Variants in BPTF observed in about 807,000 individuals in gnomAD.
BPTF encodes nucleosome-remodeling factor subunit BPTF.
A neutral mutation model predicts 292.5 loss-of-function variants in BPTF; 18 were observed. That is an observed-to-expected ratio of 0.06 (90% confidence interval 0.04 to 0.09). BPTF has a LOEUF of 0.09. Among genes scored for constraint, BPTF ranks in the 10% least tolerant of loss-of-function variants. The probability of loss-of-function intolerance (pLI) is 1.00; values close to 1 mark genes in which losing one functional copy is unlikely to be tolerated. For missense variants in BPTF, 2,726 were observed against 3,498.7 expected (o/e 0.78, Z 5.57); for synonymous variants, 1,225 against 1,251.9 (o/e 0.98, Z 0.45).
At chr17:67,910,497 A>G (rs1381621732) in intron 10 of BPTF, among the ~76,000 whole-genome samples, 1 of 152,146 alleles carries the variant, frequency 6.6e-6, no homozygotes, top group Non-Finnish European at 1.5e-5. Flanking sequence ...GTGGCTAGAG[A>G]TACTTTAAAA....
rs184303411 is a variant in BPTF at position 67,978,552 on chromosome 17, C to T, written c.8726+2594C>T. Among the ~76,000 whole-genome samples the T allele has an allele frequency of 7.3e-3, 1,108 of 152,192 alleles. 13 individuals carry two copies. The highest frequency in any genetic ancestry group is 0.028 in the East Asian group (147 of 5,170). On this transcript the variant is annotated intron_variant, in intron 27 of 27. Transcript: ENST00000306378. ...GACCTCGTGATCCGCCTGCCTCAGC[C>T]TCCCAAAGTGCTGGGATTACAGATG...
At position 67,979,230 on chromosome 17, in the gene BPTF, A is replaced by G. The variant is rs145915991; in HGVS notation, c.8727-3022A>G. Among the ~76,000 whole-genome samples, 294 of 148,908 alleles carry G rather than the reference A, an allele frequency of 2.0e-3. 3 individuals carry two copies. The highest frequency in any genetic ancestry group is 7.0e-3 in the African/African-American group (282 of 40,232). ...AGGACTAGGTGCTACAGAGAAAAAT[A>G]TTTACATTTTCGTAGTAACGTAAAT... On this transcript the variant is annotated intron_variant, in intron 27 of 27. Transcript: ENST00000306378.
chr17:67,924,712 A>AT, intron 15 of BPTF, 123 bp downstream of exon 15: 6 of 1,085,024 alleles, frequency 5.5e-6, no homozygotes, highest in Admixed American at 2.3e-5. Flanking sequence ...ACATACATAC[A>AT]TTTTTTAGCC....
chr17:67,924,498 G>C, intron 14 of BPTF, 49 bp from the exon 15 acceptor site: 1 of 1,568,670 alleles, frequency 6.4e-7, no homozygotes, highest in East Asian at 2.2e-5. Context: ...TTAGATGCCA[G>C]ATGCCTAACA....
intron 27 of BPTF, chr17:67,981,522 C>A: frequency 8.9e-7 from 1 of 1,123,210 alleles, no homozygotes; most frequent in Non-Finnish European, 1.1e-6. Context: ...TCGTGATTAC[C>A]TAATTCAAAA....
At chr17:67,878,706 G>A (rs994786685) in intron 4 of BPTF, among the ~76,000 whole-genome samples, 1 of 151,736 alleles carries the variant, frequency 6.6e-6, no homozygotes. Flanking sequence ...GTGTGTGTCA[G>A]TCGTTTAGAT....
At chr17:67,962,439 A>G (rs1192589129) in intron 24 of BPTF, among the ~76,000 whole-genome samples, 1 of 152,176 alleles carries the variant, frequency 6.6e-6, no homozygotes, top group Non-Finnish European at 1.5e-5. Context: ...TTTTGTCATT[A>G]GGTCTTTTGT....
At chr17:67,877,131 A>G (rs947317743) in intron 4 of BPTF, among the ~76,000 whole-genome samples, 1 of 152,260 alleles carries the variant, frequency 6.6e-6, no homozygotes, top group Non-Finnish European at 1.5e-5. Context: ...TGTAAAGTAG[A>G]TAAACATTTT....
chr17:67,973,043 ATATATATATTT>A, intron 26 of BPTF, among the ~76,000 whole-genome samples: 1 of 144,810 alleles, frequency 6.9e-6, no homozygotes, highest in South Asian at 2.1e-4. Flanking sequence ...ATATTTATAT[ATATATATATTT>A]TATATATATA....
At chr17:67,976,040 C>T (rs782096280) in intron 27 of BPTF, 82 bp downstream of exon 27, 1 of 1,100,728 alleles carries the variant, frequency 9.1e-7, no homozygotes, top group Non-Finnish European at 1.3e-6. Context: ...TCAACCAGTG[C>T]AGTTTATGGT....
At chr17:67,909,532 T>C in intron 9 of BPTF, 50 bp from the exon 10 acceptor site, 1 of 1,263,444 alleles carries the variant, frequency 7.9e-7, no homozygotes, top group Non-Finnish European at 1.1e-6. Context: ...CATATTAAAG[T>C]GCTAATACTC....
intron 1 of BPTF, among the ~76,000 whole-genome samples, chr17:67,841,834 TTTA>T (rs147595686): frequency 0.021 from 3,210 of 152,258 alleles, 119 homozygotes; most frequent in African/African-American, 0.073. Flanking sequence ...GGTTTCCTAT[TTTA>T]TTATTTGTTT....
At chr17:67,977,468 T>C (rs2069639940) in intron 27 of BPTF, among the ~76,000 whole-genome samples, 1 of 151,232 alleles carries the variant, frequency 6.6e-6, no homozygotes, top group Non-Finnish European at 1.5e-5. Flanking sequence ...TGAGCTGAGA[T>C]TGCGCCACTG....
intron 1 of BPTF, among the ~76,000 whole-genome samples, chr17:67,844,790 C>T (rs2057909811): frequency 6.6e-6 from 1 of 152,070 alleles, no homozygotes; most frequent in Non-Finnish European, 1.5e-5. Flanking sequence ...GTTGCCCAGG[C>T]TGGAGTGCAA....
intron 19 of BPTF, among the ~76,000 whole-genome samples, chr17:67,943,303 T>G (rs2065538071): frequency 6.6e-6 from 1 of 152,202 alleles, no homozygotes; most frequent in Non-Finnish European, 1.5e-5. Context: ...GATTCACATG[T>G]ATATGGAGCT....
intron 1 of BPTF, among the ~76,000 whole-genome samples, chr17:67,840,961 C>T (rs1299839773): frequency 5.3e-5 from 8 of 152,180 alleles, no homozygotes; most frequent in African/African-American, 1.4e-4. Context: ...CTGTCAGTGC[C>T]TTGCGTTTCA....
chr17:67,839,147 A>G (rs1031204794), intron 1 of BPTF, among the ~76,000 whole-genome samples: 26 of 152,156 alleles, frequency 1.7e-4, no homozygotes, highest in Non-Finnish European at 7.3e-5. Context: ...AAAGAAAAAA[A>G]AGAAACAAAT....
At chr17:67,971,033 G>T (rs1468199468) in intron 26 of BPTF, among the ~76,000 whole-genome samples, 2 of 152,202 alleles carry the variant, frequency 1.3e-5, no homozygotes, top group African/African-American at 2.4e-5. Flanking sequence ...CGTCCTCCCA[G>T]GTACAGCTGA....
At position 67,912,007 on chromosome 17, in the gene BPTF, T is replaced by G. The variant is rs1312461312; in HGVS notation, c.4123T>G (p.Cys1375Gly). 2.5e-6 allele frequency: 4 copies of G among 1,613,618 alleles called. No individual in the cohort carries two copies. The highest frequency in any genetic ancestry group is 3.4e-6 in the Non-Finnish European group (4 of 1,179,912). Residue 1375 changes from cysteine (C) to glycine (G), a missense_variant, in exon 11 of 28, where the codon TGT (cysteine) becomes GGT (glycine). Cys to Gly is a radical substitution (Grantham distance 159). Coordinates refer to ENST00000306378, the MANE Select transcript of BPTF (RefSeq NM_182641.4). ...ATTAGAGGAGAGACCAGTTAATAAA[T>G]GTAGTGATCAAATAAAGCTAAAAAA... Reference protein sequence around the residue: ...KKLEERPVNKCSDQIKLKNTT... With the variant: ...KKLEERPVNKGSDQIKLKNTT...
Sources: gnomAD v4.1 joint callset for allele counts (sites outside exome capture counted in the v4.1 genomes callset) on GRCh38, gnomAD v4.1.1 for gene constraint, MANE v1.5 for transcripts, NCBI Gene and HGNC (gene_info 2026-07-23, HGNC 2026-07-21) for gene names.